Variants in CCDC178 observed in about 807,000 individuals in gnomAD.
CCDC178 encodes coiled-coil domain-containing protein 178.
Under a neutral mutation model 117.4 loss-of-function variants are expected in CCDC178, and 126 were observed. The observed-to-expected ratio is 1.07, with a 90% CI of 0.93 to 1.24. The LOEUF is 1.24. Among genes scored for constraint, CCDC178 ranks in the 50% most tolerant of loss-of-function variants. The probability of loss-of-function intolerance (pLI) is 0.00; values close to 1 mark genes in which losing one functional copy is unlikely to be tolerated. For synonymous variants in CCDC178, 283 were observed against 313.4 expected (o/e 0.90, Z 1.02); for missense variants, 1,030 against 986.9 (o/e 1.04, Z -0.59).
At chr18:33,209,814 C>G (rs2059086038) in intron 20 of CCDC178, among the ~76,000 whole-genome samples, 1 of 152,058 alleles carries the variant, frequency 6.6e-6, no homozygotes, top group Admixed American at 6.6e-5. Flanking sequence ...CTGACAAGCA[C>G]TGTTGACATA....
At chr18:33,051,603 A>C (rs945030759) in intron 21 of CCDC178, among the ~76,000 whole-genome samples, 1 of 152,196 alleles carries the variant, frequency 6.6e-6, no homozygotes, top group Non-Finnish European at 1.5e-5. Context: ...GATACACTTG[A>C]CTAATGTAGT....
intron 21 of CCDC178, among the ~76,000 whole-genome samples, chr18:33,063,477 C>T (rs539102157): frequency 1.3e-5 from 2 of 152,242 alleles, no homozygotes; most frequent in East Asian, 3.9e-4. Context: ...AAGTACAGGT[C>T]TACTCTGTCC....
At chr18:33,401,665 G>A (rs542615657) in intron 3 of CCDC178, among the ~76,000 whole-genome samples, 35 of 151,804 alleles carry the variant, frequency 2.3e-4, no homozygotes, top group South Asian at 1.0e-3. Context: ...TTAGTCATGC[G>A]TTTAGATTTA....
chr18:33,229,884 CT>C (rs1183164511), intron 15 of CCDC178, among the ~76,000 whole-genome samples: 3 of 152,088 alleles, frequency 2.0e-5, no homozygotes, highest in African/African-American at 7.2e-5. Flanking sequence ...ATGGAATCTG[CT>C]AGAAACTTAT....
At chr18:33,127,243 C>T (rs1430171509) in intron 20 of CCDC178, among the ~76,000 whole-genome samples, 1 of 151,730 alleles carries the variant, frequency 6.6e-6, no homozygotes, top group Non-Finnish European at 1.5e-5. Flanking sequence ...CTGTGGACTC[C>T]TAAAATATTA....
At chr18:33,300,843 GAGTAAA>G (rs2062167957) in intron 11 of CCDC178, among the ~76,000 whole-genome samples, 1 of 152,206 alleles carries the variant, frequency 6.6e-6, no homozygotes, top group Non-Finnish European at 1.5e-5. Flanking sequence ...GGGAAGCAGA[GAGTAAA>G]AGTCTGGAAA....
chr18:33,203,866 G>A (rs1049307585), intron 20 of CCDC178, among the ~76,000 whole-genome samples: 12 of 152,184 alleles, frequency 7.9e-5, no homozygotes, highest in African/African-American at 2.7e-4. Context: ...TCTCTGGAAT[G>A]TTCTTCTCTC....
intron 12 of CCDC178, among the ~76,000 whole-genome samples, chr18:33,272,484 G>A (rs975034335): frequency 1.3e-5 from 2 of 151,486 alleles, no homozygotes; most frequent in African/African-American, 2.4e-5. Context: ...AAGATGAATC[G>A]ACATGGGTCT....
intron 21 of CCDC178, among the ~76,000 whole-genome samples, chr18:32,975,482 C>A (rs4436849): frequency 0.8 from 121,572 of 152,108 alleles, 54,052 homozygotes; most frequent in Non-Finnish European, 0.98. Flanking sequence ...TTGCCCTTCA[C>A]CAGTTACCGT....
intron 21 of CCDC178, among the ~76,000 whole-genome samples, chr18:33,082,579 GCTCA>G (rs1287416234): frequency 1.3e-5 from 2 of 152,090 alleles, no homozygotes; most frequent in African/African-American, 4.8e-5. Context: ...TGATTGTGTG[GCTCA>G]CTATGTTACT....
At chr18:33,064,773 T>C (rs1411171533) in intron 21 of CCDC178, among the ~76,000 whole-genome samples, 1 of 152,206 alleles carries the variant, frequency 6.6e-6, no homozygotes, top group Non-Finnish European at 1.5e-5. Context: ...CCCATGTTTA[T>C]GGCAGCACTA....
intron 21 of CCDC178, among the ~76,000 whole-genome samples, chr18:33,045,732 C>A (rs889605103): frequency 2.0e-5 from 3 of 152,164 alleles, no homozygotes; most frequent in African/African-American, 7.2e-5. Flanking sequence ...CGAAGCATTG[C>A]AGGCGTAGCT....
At chr18:33,327,471 G>A (rs2062600579) in intron 10 of CCDC178, among the ~76,000 whole-genome samples, 1 of 152,046 alleles carries the variant, frequency 6.6e-6, no homozygotes, top group Admixed American at 6.6e-5. Context: ...ATGTATACCT[G>A]GGAGTACAAT....
chr18:33,361,933 C>G (rs1475053530), intron 6 of CCDC178, among the ~76,000 whole-genome samples: 1 of 151,742 alleles, frequency 6.6e-6, no homozygotes, highest in African/African-American at 2.4e-5. Flanking sequence ...CCACATGACC[C>G]AGCAATTCAT....
intron 20 of CCDC178, among the ~76,000 whole-genome samples, chr18:33,169,808 A>G (rs2058576907): frequency 1.3e-5 from 2 of 152,184 alleles, no homozygotes; most frequent in African/African-American, 4.8e-5. Flanking sequence ...AAAAGCCAGT[A>G]TTATCATTTT....
chr18:33,251,353 A>T (rs2059617213), intron 14 of CCDC178, among the ~76,000 whole-genome samples: 1 of 151,750 alleles, frequency 6.6e-6, no homozygotes, highest in Non-Finnish European at 1.5e-5. Flanking sequence ...TGATTAGTTT[A>T]AATTGAGGAT....
At chr18:32,962,953 C>G (rs1368730211) in intron 22 of CCDC178, among the ~76,000 whole-genome samples, 2 of 151,966 alleles carry the variant, frequency 1.3e-5, no homozygotes, top group Admixed American at 1.3e-4. Context: ...ATATTTAGTA[C>G]ATTTCTGAAA....
At chr18:33,106,777 T>A (rs2057711391) in intron 20 of CCDC178, among the ~76,000 whole-genome samples, 1 of 151,788 alleles carries the variant, frequency 6.6e-6, no homozygotes, top group East Asian at 1.9e-4. Flanking sequence ...AAAGTGAGAA[T>A]CTTTTCTACC....
chr18:33,058,294 G>A (rs1231041962), intron 21 of CCDC178, among the ~76,000 whole-genome samples: 2 of 152,220 alleles, frequency 1.3e-5, no homozygotes, highest in Non-Finnish European at 2.9e-5. Flanking sequence ...ATCTATCCAT[G>A]CAATGTAGTA....
Sources: gnomAD v4.1 joint callset for allele counts (sites outside exome capture counted in the v4.1 genomes callset) on GRCh38, gnomAD v4.1.1 for gene constraint, MANE v1.5 for transcripts, NCBI Gene and HGNC (gene_info 2026-07-23, HGNC 2026-07-21) for gene names.